The following ARIH2 variants were observed in gnomAD, a reference collection of about 807,000 sequenced individuals.
ARIH2 encodes ariadne RBR E3 ubiquitin protein ligase 2.
Under a neutral mutation model 79.8 loss-of-function variants are expected in ARIH2, and 12 were observed. That is an observed-to-expected ratio of 0.15 (90% CI 0.10 to 0.24). ARIH2 has a LOEUF of 0.24. Among genes scored for constraint, ARIH2 ranks in the 10% least tolerant of loss-of-function variants. The pLI, the probability that ARIH2 is intolerant of heterozygous loss-of-function variation, is 1.00. For synonymous variants in ARIH2, 224 were observed against 213.9 expected (o/e 1.05, Z -0.41); for missense variants, 301 against 618.3 (o/e 0.49, Z 5.44).
chr3:48,943,263 C>A (rs2107269808), intron 3 of ARIH2: 1 of 152,282 alleles, frequency 6.6e-6, no homozygotes, highest in Admixed American at 6.5e-5. Flanking sequence ...CTCCCTAACT[C>A]ATATACTTGA....
chr3:48,933,223 A>C (rs1319731057), intron 3 of ARIH2, among the ~76,000 whole-genome samples: 2 of 146,128 alleles, frequency 1.4e-5, no homozygotes, highest in East Asian at 2.0e-4. Context: ...ACAGGTGCGC[A>C]CCACATGCCC....
At chr3:48,961,021 A>G (rs2091190546) in intron 3 of ARIH2, among the ~76,000 whole-genome samples, 1 of 152,164 alleles carries the variant, frequency 6.6e-6, no homozygotes, top group African/African-American at 2.4e-5. Flanking sequence ...ATGTGCTTTA[A>G]ATGTCCCCTG....
Position 48,927,675 on chromosome 3 carries a change from C to T in ARIH2, c.117C>T (p.Tyr39=), listed in dbSNP as rs779035745. ...ACCCTGGGGACATAGAGGACTATTA[C>T]GTGGGAGTAGCCAGCGATGTGGAGC... ...EDDPGDIEDY[Y]VGVASDVEQQ... is the part of the protein sequence containing the mutation. Residue 39 remains tyrosine, a synonymous_variant, in exon 3 of 16, where the codon TAC becomes TAT. Transcript: ENST00000356401. 48 of 1,613,884 alleles carry T rather than the reference C, an allele frequency of 3.0e-5. No homozygotes were observed. The highest frequency in any genetic ancestry group is 3.8e-5 in the Non-Finnish European group (45 of 1,179,946).
chr3:48,980,170 A>G, intron 12 of ARIH2, 183 bp from the exon 13 acceptor site: 2 of 569,032 alleles, frequency 3.5e-6, no homozygotes, highest in Non-Finnish European at 6.1e-6. Context: ...GGCAGTAAGC[A>G]TACAGCTGCT....
At chr3:48,974,899 G>A (rs777369291) in intron 10 of ARIH2, 32 bp downstream of exon 10, 2 of 1,614,136 alleles carry the variant, frequency 1.2e-6, no homozygotes, top group Non-Finnish European at 1.7e-6. Context: ...TTGCATGTGT[G>A]ACATGGAAGC....
intron 3 of ARIH2, among the ~76,000 whole-genome samples, chr3:48,954,823 C>T (rs1277784658): frequency 6.6e-6 from 1 of 152,194 alleles, no homozygotes; most frequent in Non-Finnish European, 1.5e-5. Context: ...CAGTAATTAT[C>T]TTGAGACTCC....
intron 3 of ARIH2, among the ~76,000 whole-genome samples, chr3:48,954,283 C>G (rs1457602978): frequency 6.6e-6 from 1 of 151,804 alleles, no homozygotes; most frequent in Non-Finnish European, 1.5e-5. Context: ...GTGAAACCCC[C>G]GTCTCTACTA....
chr3:48,965,040 C>T (rs995226379), intron 5 of ARIH2, 58 bp downstream of exon 5: 10 of 1,519,564 alleles, frequency 6.6e-6, no homozygotes, highest in Admixed American at 1.7e-5. Flanking sequence ...CTTGCTTTGG[C>T]TTGCAGTGTC....
chr3:48,970,872 C>T, intron 8 of ARIH2, 168 bp downstream of exon 8: 1 of 558,718 alleles, frequency 1.8e-6, no homozygotes, highest in Non-Finnish European at 3.3e-6. Flanking sequence ...TCATATTCCA[C>T]TAGGTCTTCA....
chr3:48,960,177 A>G (rs1052854744), intron 3 of ARIH2, among the ~76,000 whole-genome samples: 4 of 152,184 alleles, frequency 2.6e-5, no homozygotes, highest in Non-Finnish European at 2.9e-5. Flanking sequence ...ACACATCCCA[A>G]TCTTCTGTGA....
chr3:48,965,527 C>T (rs771018331), intron 5 of ARIH2, among the ~76,000 whole-genome samples: 2 of 152,212 alleles, frequency 1.3e-5, no homozygotes, highest in East Asian at 3.8e-4. Context: ...CCTCTCTGCA[C>T]TTTCAGCCTG....
intron 3 of ARIH2, among the ~76,000 whole-genome samples, chr3:48,935,758 C>T (rs1236883500): frequency 1.3e-5 from 2 of 152,048 alleles, no homozygotes; most frequent in African/African-American, 2.4e-5. Context: ...ATGGTAGAAG[C>T]GGGGCAAAAG....
chr3:48,975,037 G>A lies in ARIH2; in HGVS notation c.961+58G>A, dbSNP rs764413507. The A allele has an allele frequency of 8.7e-5, 141 of 1,614,006 alleles. 1 individual carries two copies. In the Middle Eastern group the frequency reaches 1.3e-3, roughly 15 times the overall value. ...GGCACTTTCTTGTGGTTGGGTCTCC[G>A]TTACTATTTAAGTGAGTACTTCTGC... On this transcript the variant is annotated intron_variant, in intron 11 of 15. Coordinates refer to ENST00000356401, the MANE Select transcript of ARIH2 (RefSeq NM_006321.4).
chr3:48,959,329 A>C (rs1356336709), intron 3 of ARIH2, among the ~76,000 whole-genome samples: 1 of 151,540 alleles, frequency 6.6e-6, no homozygotes, highest in African/African-American at 2.4e-5. Context: ...AAAAAAAAAA[A>C]ATACAATAAA....
At chr3:48,978,465 G>GCA (rs2092627644) in intron 11 of ARIH2, among the ~76,000 whole-genome samples, 1 of 75,486 alleles carries the variant, frequency 1.3e-5, no homozygotes, top group Non-Finnish European at 2.2e-5. Context: ...GTGTGTGTGT[G>GCA]TATATATATA....
chr3:48,973,106 G>T (rs1185367355), intron 8 of ARIH2, among the ~76,000 whole-genome samples: 2 of 152,244 alleles, frequency 1.3e-5, no homozygotes, highest in African/African-American at 4.8e-5. Flanking sequence ...ATAACTCTGG[G>T]TAGGTAAAGG....
intron 1 of ARIH2, among the ~76,000 whole-genome samples, chr3:48,921,108 T>C (rs1445269254): frequency 4.0e-5 from 3 of 75,018 alleles, no homozygotes; most frequent in Non-Finnish European, 2.7e-5. Flanking sequence ...AGGCGCATGC[T>C]ACCACGCCCA....
At chr3:48,955,123 G>A (rs1208213436) in intron 3 of ARIH2, among the ~76,000 whole-genome samples, 2 of 152,178 alleles carry the variant, frequency 1.3e-5, no homozygotes, top group Non-Finnish European at 2.9e-5. Context: ...ACTTGAACCC[G>A]AGAAGCAGAG....
At chr3:48,920,492 C>CTTTTTTTTTT (rs1242750147) in intron 1 of ARIH2, among the ~76,000 whole-genome samples, 1 of 40,984 alleles carries the variant, frequency 2.4e-5, no homozygotes, top group Non-Finnish European at 4.3e-5. Flanking sequence ...TGAGCAATTT[C>CTTTTTTTTTT]TTTTTTTTTT....
Sources: gnomAD v4.1 joint callset for allele counts (sites outside exome capture counted in the v4.1 genomes callset) on GRCh38, gnomAD v4.1.1 for gene constraint, MANE v1.5 for transcripts, NCBI Gene and HGNC (gene_info 2026-07-23, HGNC 2026-07-21) for gene names.